Variants in NEK7 observed in about 807,000 individuals in gnomAD.
The protein encoded by NEK7 is serine/threonine-protein kinase Nek7.
Under a neutral mutation model 44.6 loss-of-function variants are expected in NEK7, and 18 were observed. The observed-to-expected ratio is 0.40, with a 90% CI of 0.28 to 0.60. NEK7 has a LOEUF of 0.60. Ranked by LOEUF, NEK7 falls within the 20% of genes least tolerant of loss-of-function variation. NEK7 has a pLI of 0.38. For missense variants in NEK7, 256 were observed against 366.5 expected, an observed-to-expected ratio of 0.70 and a Z score of 2.46; for synonymous variants, 130 against 121.1, an observed-to-expected ratio of 1.07 and a Z score of -0.48.
chr1:198,247,786 T>G (rs1666877995), intron 2 of NEK7, among the ~76,000 whole-genome samples: 1 of 152,176 alleles, frequency 6.6e-6, no homozygotes, highest in Non-Finnish European at 1.5e-5. Context: ...CAGTTAGATG[T>G]AGTGAATTTT....
At chr1:198,158,647 C>G (rs999838770) in intron 1 of NEK7, among the ~76,000 whole-genome samples, 16 of 152,334 alleles carry the variant, frequency 1.1e-4, no homozygotes, top group Admixed American at 7.8e-4. Context: ...ACAGGAGATA[C>G]AGTTAACCCT....
At chr1:198,163,291 A>G (rs1163587239) in intron 1 of NEK7, among the ~76,000 whole-genome samples, 1 of 152,068 alleles carries the variant, frequency 6.6e-6, no homozygotes, top group African/African-American at 2.4e-5. Context: ...CCTGGAGTTC[A>G]AGACCAGCCT....
At chr1:198,228,624 GAAGCA>G in intron 1 of NEK7, among the ~76,000 whole-genome samples, 1 of 152,144 alleles carries the variant, frequency 6.6e-6, no homozygotes, top group Non-Finnish European at 1.5e-5. Context: ...TATTCTCTTT[GAAGCA>G]ATTGTGAATG....
chr1:198,232,347 G>A (rs1185198069), intron 1 of NEK7, among the ~76,000 whole-genome samples: 1 of 152,138 alleles, frequency 6.6e-6, no homozygotes, highest in Non-Finnish European at 1.5e-5. Context: ...TGCTTTTGGA[G>A]AAGTGGAAAT....
At chr1:198,203,037 T>C (rs1665481404) in intron 1 of NEK7, among the ~76,000 whole-genome samples, 1 of 149,306 alleles carries the variant, frequency 6.7e-6, no homozygotes, top group African/African-American at 2.4e-5. Flanking sequence ...TGGAGTAAAA[T>C]AAAATACTAT....
intron 1 of NEK7, among the ~76,000 whole-genome samples, chr1:198,181,132 T>A (rs1300595444): frequency 2.0e-5 from 3 of 152,092 alleles, no homozygotes; most frequent in Non-Finnish European, 4.4e-5. Flanking sequence ...TTTAAATAGT[T>A]CAGAAAAACA....
intron 7 of NEK7, among the ~76,000 whole-genome samples, chr1:198,289,482 G>T (rs1005336038): frequency 6.6e-6 from 1 of 152,066 alleles, no homozygotes; most frequent in African/African-American, 2.4e-5. Flanking sequence ...TTATCTTACA[G>T]ATGAGGGAAG....
chr1:198,316,714 C>T (rs930878643), intron 9 of NEK7, among the ~76,000 whole-genome samples: 2 of 152,174 alleles, frequency 1.3e-5, no homozygotes, highest in African/African-American at 4.8e-5. Flanking sequence ...TTCATTATTG[C>T]TTTATCCTTA....
intron 1 of NEK7, among the ~76,000 whole-genome samples, chr1:198,180,891 TAAA>T (rs1664746272): frequency 6.6e-6 from 1 of 152,130 alleles, no homozygotes; most frequent in South Asian, 2.1e-4. Flanking sequence ...AAACTGTCTA[TAAA>T]ATGCTTTATA....
rs1417170268 is a variant in NEK7 at position 198,159,855 on chromosome 1, T to TA, written c.-29+2588dup. Among the ~76,000 whole-genome samples, 57 of 151,730 alleles carry TA rather than the reference T, an allele frequency of 3.8e-4. 1 individual carries two copies. The highest frequency in any genetic ancestry group is 3.4e-3 in the Middle Eastern group (1 of 294). On this transcript the variant is annotated intron_variant, in intron 1 of 9. Coordinates refer to ENST00000367385, the MANE Select transcript of NEK7 (RefSeq NM_133494.3). ...AGCTAACATACCTGATTAATAAATTTAAAAAAAAATTGCATCGTAATGACC... is the reference window on the plus strand; with the variant it reads ...AGCTAACATACCTGATTAATAAATTTAAAAAAAAAATTGCATCGTAATGACC...
At chr1:198,252,958 A>T in intron 2 of NEK7, 82 bp from the exon 3 acceptor site, 1 of 1,167,202 alleles carries the variant, frequency 8.6e-7, no homozygotes, top group Non-Finnish European at 1.2e-6. Context: ...TGTGTCACCT[A>T]CATATATGAA....
intron 9 of NEK7, among the ~76,000 whole-genome samples, chr1:198,306,269 C>T (rs568022749): frequency 6.6e-6 from 1 of 152,118 alleles, no homozygotes; most frequent in Admixed American, 6.6e-5. Context: ...TCTCAGAGAC[C>T]ATAAGGAGAT....
intron 3 of NEK7, among the ~76,000 whole-genome samples, chr1:198,255,209 T>C (rs1049016228): frequency 6.6e-6 from 1 of 152,144 alleles, no homozygotes; most frequent in East Asian, 1.9e-4. Flanking sequence ...CCGTAGGCAA[T>C]TGAGGATGCA....
At chr1:198,287,726 T>TA (rs201058288) in intron 7 of NEK7, among the ~76,000 whole-genome samples, 279 of 145,260 alleles carry the variant, frequency 1.9e-3, no homozygotes, top group Non-Finnish European at 2.7e-3. Flanking sequence ...ATTTTTGCTT[T>TA]AAAAAAAAAA....
intron 1 of NEK7, among the ~76,000 whole-genome samples, chr1:198,183,275 T>G (rs910577902): frequency 2.2e-5 from 3 of 135,086 alleles, no homozygotes; most frequent in Non-Finnish European, 4.7e-5. Context: ...GGAATACTAC[T>G]ACTTCCACTA....
At chr1:198,260,314 CAAAG>C (rs1571583495) in intron 3 of NEK7, among the ~76,000 whole-genome samples, 3 of 151,960 alleles carry the variant, frequency 2.0e-5, no homozygotes, top group East Asian at 3.9e-4. Context: ...CTCATTTTGT[CAAAG>C]CTTAATGTAT....
chr1:198,256,399 G>T (rs765805779), intron 3 of NEK7: 1 of 1,612,028 alleles, frequency 6.2e-7, no homozygotes. Context: ...AAATCATAAA[G>T]GGATCTGAGA....
At chr1:198,307,903 C>G (rs1331172000) in intron 9 of NEK7, among the ~76,000 whole-genome samples, 4 of 150,866 alleles carry the variant, frequency 2.7e-5, no homozygotes, top group Non-Finnish European at 5.9e-5. Flanking sequence ...ACCAAAAGAC[C>G]AAGTAGGTAA....
chr1:198,320,592 A>T lies in NEK7; in HGVS notation c.*1070A>T, dbSNP rs1417356145. 1 of 152,132 alleles carries T rather than the reference A, an allele frequency of 6.6e-6. No homozygotes were observed. Among genetic ancestry groups the T allele is most frequent in the African/African-American group, 2.4e-5 (1 of 41,444 alleles). 9.4% of individuals were successfully genotyped at this position (152,132 alleles called of 1,614,324 possible). ...TTTAAAAGATATTTGGTATACCAATACTTTTCCTGGATTGAAAACTTTTTT... is the reference window on the plus strand; with the variant it reads ...TTTAAAAGATATTTGGTATACCAATTCTTTTCCTGGATTGAAAACTTTTTT... On this transcript the variant is annotated 3_prime_UTR_variant, in exon 10 of 10. Coordinates refer to ENST00000367385, the MANE Select transcript of NEK7 (RefSeq NM_133494.3).
Sources: allele counts gnomAD v4.1 joint callset (sites outside exome capture counted in the v4.1 genomes callset), GRCh38; gene constraint gnomAD v4.1.1; transcripts MANE v1.5; gene names NCBI Gene and HGNC (gene_info 2026-07-23, HGNC 2026-07-21).